SNX7: variants seen among roughly 807,000 people sequenced by gnomAD.
SNX7 encodes the protein sorting nexin 7, also known as sorting nexin-7.
In SNX7, 35 loss-of-function variants were observed where a neutral mutation model predicts 48.4. The observed-to-expected ratio is 0.72, with a 90% CI of 0.55 to 0.96. The LOEUF (loss-of-function observed/expected upper bound fraction) is 0.96, where lower values mean the gene tolerates loss of function less well. Ranked by LOEUF, SNX7 falls within the 40% of genes least tolerant of loss-of-function variation. SNX7 has a pLI of 0.00. For missense variants in SNX7, 553 were observed against 548.9 expected (o/e 1.01, Z -0.07); for synonymous variants, 190 against 190.2 (o/e 1.00, Z 0.01).
At chr1:98,745,204 G>C (rs978938863) in intron 8 of SNX7, among the ~76,000 whole-genome samples, 1 of 151,978 alleles carries the variant, frequency 6.6e-6, no homozygotes, top group Non-Finnish European at 1.5e-5. Flanking sequence ...TGTTGCAATA[G>C]AGGTGTAATA....
At position 98,698,574 on chromosome 1, in the gene SNX7, C is replaced by T. The variant is rs7540129; in HGVS notation, c.839-132C>T. On this transcript the variant is annotated intron_variant, in intron 5 of 8. Transcript: ENST00000306121. ...GGTTGATTTAATGAAGGATGATATC[C>T]GTTTTCTTATGTTCTTGTGTAAGAA... The T allele has an allele frequency of 5.7e-4, 449 of 789,246 alleles. 1 individual carries two copies. The African/African-American group carries it at 7.1e-3, about 12-fold the overall frequency. The allele number at this position is 789,246 out of a possible 1,614,324, so 48.9% of individuals were successfully genotyped here.
At chr1:98,665,287 C>T (rs1326254950) in intron 1 of SNX7, among the ~76,000 whole-genome samples, 2 of 151,958 alleles carry the variant, frequency 1.3e-5, no homozygotes, top group African/African-American at 4.8e-5. Context: ...TCATGAAATG[C>T]AATAATGGTT....
intron 8 of SNX7, among the ~76,000 whole-genome samples, chr1:98,753,621 A>G (rs1247576077): frequency 6.6e-6 from 1 of 152,118 alleles, no homozygotes; most frequent in Admixed American, 6.6e-5. Context: ...TTAAAAATAT[A>G]TCTTCTGAAA....
At chr1:98,706,335 T>TG (rs1385635170) in intron 7 of SNX7, among the ~76,000 whole-genome samples, 5 of 152,132 alleles carry the variant, frequency 3.3e-5, no homozygotes, top group Non-Finnish European at 7.4e-5. Flanking sequence ...TATGTGTACC[T>TG]GGGGGAAGAG....
chr1:98,670,692 A>G (rs1649803118), intron 1 of SNX7, among the ~76,000 whole-genome samples: 1 of 152,172 alleles, frequency 6.6e-6, no homozygotes, highest in Admixed American at 6.5e-5. Flanking sequence ...AGTGAACTCT[A>G]TGATGTTCAC....
At chr1:98,701,488 T>G (rs1398715969) in intron 6 of SNX7, among the ~76,000 whole-genome samples, 2 of 152,166 alleles carry the variant, frequency 1.3e-5, no homozygotes, top group African/African-American at 4.8e-5. Flanking sequence ...TATTTTTTGT[T>G]TGTTTTGCTC....
chr1:98,752,343 T>A (rs527878315), intron 8 of SNX7, among the ~76,000 whole-genome samples: 63 of 152,210 alleles, frequency 4.1e-4, no homozygotes, highest in Non-Finnish European at 7.6e-4. Flanking sequence ...TAATTTGATA[T>A]ATGTGCAGGA....
intron 2 of SNX7, among the ~76,000 whole-genome samples, chr1:98,687,006 T>A (rs767976595): frequency 6.6e-5 from 10 of 152,162 alleles, no homozygotes; most frequent in Non-Finnish European, 1.3e-4. Context: ...ATACTTTAAA[T>A]GGACTGGTCT....
intron 7 of SNX7, among the ~76,000 whole-genome samples, 152 bp from the exon 8 acceptor site, chr1:98,738,084 CT>C (rs1653882422): frequency 6.6e-6 from 1 of 152,230 alleles, no homozygotes; most frequent in East Asian, 1.9e-4. Flanking sequence ...GTTCTTTTTA[CT>C]TTAATTAGTA....
rs559367314 is a variant in SNX7 at position 98,738,828 on chromosome 1, AT to A, written c.1278+443del. Among the ~76,000 whole-genome samples, 28 of 151,990 alleles carry A rather than the reference AT, an allele frequency of 1.8e-4. No homozygotes were observed. The East Asian group carries it at 4.8e-3, about 26-fold the overall frequency. ...AGTAACAACATCTTTTTTTAAGTTC[AT>A]TTTGTTTTTCAGATGATTGTATTTC... is the stretch of plus-strand genomic sequence containing the variant. On this transcript the variant is annotated intron_variant, in intron 8 of 8. Coordinates refer to ENST00000306121, the MANE Select transcript of SNX7 (RefSeq NM_015976.5).
intron 7 of SNX7, among the ~76,000 whole-genome samples, chr1:98,728,034 G>C (rs533729968): frequency 1.3e-5 from 2 of 152,200 alleles, no homozygotes; most frequent in Admixed American, 1.3e-4. Context: ...GAAATCCAGA[G>C]AATCCCAGTA....
chr1:98,675,339 G>T (rs766379579), intron 1 of SNX7, among the ~76,000 whole-genome samples: 3 of 152,042 alleles, frequency 2.0e-5, no homozygotes, highest in Admixed American at 6.6e-5. Flanking sequence ...GTTTTATTGA[G>T]GTTTTAAGAA....
intron 1 of SNX7, among the ~76,000 whole-genome samples, chr1:98,681,153 G>A (rs895651156): frequency 2.0e-5 from 3 of 152,190 alleles, no homozygotes; most frequent in East Asian, 1.9e-4. Context: ...GCAGCAGGCC[G>A]AAAGAACTTG....
intron 7 of SNX7, among the ~76,000 whole-genome samples, chr1:98,713,579 C>G (rs1219584003): frequency 6.6e-6 from 1 of 152,186 alleles, no homozygotes; most frequent in African/African-American, 2.4e-5. Flanking sequence ...CCAGTCTCAG[C>G]TTTTGAAATG....
chr1:98,738,168 A>T, intron 7 of SNX7, 69 bp from the exon 8 acceptor site: 2 of 1,528,618 alleles, frequency 1.3e-6, no homozygotes, highest in Non-Finnish European at 1.8e-6. Context: ...TGTTCAACTT[A>T]AATTTGATGA....
chr1:98,708,133 C>T (rs574216158), intron 7 of SNX7, among the ~76,000 whole-genome samples: 4 of 152,266 alleles, frequency 2.6e-5, no homozygotes, highest in African/African-American at 9.6e-5. Flanking sequence ...CTATATGCCT[C>T]ATTTCCTAAT....
intron 7 of SNX7, among the ~76,000 whole-genome samples, chr1:98,704,535 T>C (rs1325186482): frequency 2.0e-5 from 3 of 152,180 alleles, no homozygotes; most frequent in Non-Finnish European, 4.4e-5. Context: ...ACTCTAAAAA[T>C]GAACCGGCCT....
chr1:98,664,072 A>G (rs924110684), intron 1 of SNX7, among the ~76,000 whole-genome samples: 2 of 152,160 alleles, frequency 1.3e-5, no homozygotes, highest in Admixed American at 6.5e-5. Context: ...CTATAAAACA[A>G]ACACCACTGC....
chr1:98,722,614 T>C (rs1214489722), intron 7 of SNX7, among the ~76,000 whole-genome samples: 1 of 152,092 alleles, frequency 6.6e-6, no homozygotes, highest in African/African-American at 2.4e-5. Context: ...ATTTTTAGCA[T>C]TTGAATAAAT....
Sources: allele counts gnomAD v4.1 joint callset (sites outside exome capture counted in the v4.1 genomes callset), GRCh38; gene constraint gnomAD v4.1.1; transcripts MANE v1.5; gene names NCBI Gene and HGNC (gene_info 2026-07-23, HGNC 2026-07-21).